The following ELMO3 variants were observed in gnomAD, a reference collection of about 807,000 sequenced individuals.
The protein encoded by ELMO3 is engulfment and cell motility 3.
A neutral mutation model predicts 89.0 loss-of-function variants in ELMO3; 81 were observed. The ratio of observed to expected loss-of-function variants is 0.91; its 90% CI spans 0.76 to 1.09. The LOEUF is 1.09. Ranked by LOEUF, ELMO3 falls within the 50% of genes least tolerant of loss-of-function variation. The pLI is 0.00. For missense variants in ELMO3, 959 were observed against 972.8 expected (o/e 0.99, Z 0.19); for synonymous variants, 406 against 400.6 (o/e 1.01, Z -0.16).
intron 2 of ELMO3, 24 bp from the exon 3 acceptor site, chr16:67,199,660 C>A: frequency 1.2e-6 from 2 of 1,608,526 alleles, no homozygotes; most frequent in Non-Finnish European, 1.7e-6. Flanking sequence ...CCCTGCCGGC[C>A]TCGCTGAGCC....
rs2033132868 is a variant in ELMO3 at position 67,202,256 on chromosome 16, G to A, written c.1233G>A (p.Leu411=). The change falls in exon 13 of 20, where the codon CTG becomes CTA. Residue 411 remains leucine (L), a synonymous_variant. Transcript: ENST00000393997. Reference sequence around the variant, plus strand: ...GCAGCATCCAGCTGACGGTGCTGCTGTGTGAGCTGCTCCGTGTTGGGGAGC... The same window carrying A: ...GCAGCATCCAGCTGACGGTGCTGCTATGTGAGCTGCTCCGTGTTGGGGAGC... The part of the protein sequence containing the change: ...ARGSIQLTVL[L]CELLRVGEPC... 6.2e-7 allele frequency: 1 copy of A among 1,606,958 alleles called. No homozygotes were observed. Among genetic ancestry groups the A allele is most frequent in the Non-Finnish European group, 8.5e-7 (1 of 1,175,030 alleles).
intron 3 of ELMO3, 95 bp from the exon 4 acceptor site, chr16:67,199,856 C>A: frequency 2.5e-6 from 4 of 1,605,788 alleles, no homozygotes; most frequent in Non-Finnish European, 3.4e-6. Context: ...GGAGCGCGAT[C>A]TGTTATTCAC....
At position 67,199,379 on chromosome 16, in the gene ELMO3, T is replaced by TC. The variant is rs2033041425; in HGVS notation, c.56dup (p.Gln20AlafsTer28). 1 of 1,607,872 alleles carries TC rather than the reference T, an allele frequency of 6.2e-7. No individual in the cohort carries two copies. Among genetic ancestry groups the TC allele is most frequent in the Admixed American group, 1.7e-5 (1 of 59,982 alleles). The stretch of plus-strand genomic sequence containing the variant: ...ATTGCCATCAAGATGCGTGACGCCA[T>TC]CCCGCAGCTCATCCAGCTGGACCAG... On this transcript the variant is annotated frameshift_variant, in exon 1 of 20. Transcript: ENST00000393997. LOFTEE classifies it high-confidence loss of function.
chr16:67,199,381 C>T lies in ELMO3; in HGVS notation c.55C>T (p.Pro19Ser). ...KIAIKMRDAIPQLIQLDQAKP... is the reference protein window; with the variant it reads ...KIAIKMRDAISQLIQLDQAKP... ...TGCCATCAAGATGCGTGACGCCATCCCGCAGCTCATCCAGCTGGACCAGGT... is the reference window on the plus strand; with the variant it reads ...TGCCATCAAGATGCGTGACGCCATCTCGCAGCTCATCCAGCTGGACCAGGT... Residue 19 changes from proline (P) to serine (S), a missense_variant, in exon 1 of 20, where the codon CCG becomes TCG. Coordinates refer to ENST00000393997, the MANE Select transcript of ELMO3 (RefSeq NM_024712.5). 5.0e-6 allele frequency: 8 copies of T among 1,607,986 alleles called. No individual in the cohort carries two copies. Among genetic ancestry groups the T allele is most frequent in the Non-Finnish European group, 6.8e-6 (8 of 1,179,054 alleles).
At chr16:67,201,034 A>C in intron 8 of ELMO3, 66 bp downstream of exon 8, 1 of 1,505,656 alleles carries the variant, frequency 6.6e-7, no homozygotes, top group Non-Finnish European at 8.9e-7. Flanking sequence ...CTGAAGCAAA[A>C]TCCTCTAAGC....
At position 67,200,185 on chromosome 16, in the gene ELMO3, C is replaced by A. The variant is rs760091521; in HGVS notation, c.244-7C>A. On this transcript the variant is annotated splice_region_variant and splice_polypyrimidine_tract_variant and intron_variant, in intron 4 of 19. Coordinates refer to ENST00000393997, the MANE Select transcript of ELMO3 (RefSeq NM_024712.5). ...CTTCACCTCTGCTCCTGCTCCGTTC[C>A]TGCCAGGACCTTGAGGCTGAGCAGC... 4 of 1,609,654 alleles carry A rather than the reference C, an allele frequency of 2.5e-6. No individual in the cohort carries two copies. The Admixed American group carries it at 6.7e-5, about 27-fold the overall frequency.
chr16:67,199,476 G>GGGCCCCCCCCCCCCCCC, intron 1 of ELMO3, 72 bp downstream of exon 1: 1 of 1,503,590 alleles, frequency 6.7e-7, no homozygotes, highest in Non-Finnish European at 9.0e-7. Flanking sequence ...CCTCGGGGCA[G>GGGCCCCCCCCCCCCCCC]CCCGCCCCAC....
Position 67,201,597 on chromosome 16 carries a change from G to A in ELMO3, c.873G>A (p.Gly291=). 6.2e-7 allele frequency: 1 copy of A among 1,613,810 alleles called. No homozygotes were observed. The highest frequency in any genetic ancestry group is 8.5e-7 in the Non-Finnish European group (1 of 1,180,030). ...HLYVLQALML[G]LLEPRMRTPL... ...ACGTACTGCAGGCTCTCATGCTGGG[G>A]CTGCTGGAGCCGCGCATGCGGACGC... The change falls in exon 10 of 20, where the codon GGG becomes GGA. Residue 291 remains glycine (G), a synonymous_variant. Transcript: ENST00000393997.
chr16:67,199,462 T>C (rs2033043930), intron 1 of ELMO3, 58 bp downstream of exon 1: 3 of 1,548,592 alleles, frequency 1.9e-6, no homozygotes, highest in Non-Finnish European at 8.8e-7. Flanking sequence ...GGTAGCCCCC[T>C]GGCCCTCGGG....
Position 67,199,159 on chromosome 16 carries a change from CCGCGTTG to C in ELMO3, c.-166_-160del, listed in dbSNP as rs1417025070. 2 of 1,607,150 alleles carry C rather than the reference CCGCGTTG, an allele frequency of 1.2e-6. No homozygotes were observed. The highest frequency in any genetic ancestry group is 3.3e-5 in the Admixed American group (2 of 59,944). On this transcript the variant is annotated 5_prime_UTR_variant, in exon 1 of 20. Coordinates refer to ENST00000393997, the MANE Select transcript of ELMO3 (RefSeq NM_024712.5). ...ACTAACCTCGGCTCCCTTGGGAAGGCCGCGTTGCATGGCCAGGAGCAGCAGTCTGGGC... is the reference window on the plus strand; with the variant it reads ...ACTAACCTCGGCTCCCTTGGGAAGGCCATGGCCAGGAGCAGCAGTCTGGGC...
Position 67,203,529 on chromosome 16 carries a change from T to C in ELMO3, c.1896T>C (p.Tyr632=), listed in dbSNP as rs2033177061. 2 of 1,612,898 alleles carry C rather than the reference T, an allele frequency of 1.2e-6. No homozygotes were observed. Among genetic ancestry groups the C allele is most frequent in the African/African-American group, 2.7e-5 (2 of 74,814 alleles). Residue 632 remains tyrosine, a synonymous_variant, in exon 19 of 20, where the codon TAT becomes TAC. Coordinates refer to ENST00000393997, the MANE Select transcript of ELMO3 (RefSeq NM_024712.5). The surrounding 1 kb of genome is among the most constrained non-coding windows in gnomAD (Gnocchi z 4.6). The part of the protein sequence containing the change: ...DLYELAFSIS[Y]DRGEEEAYLN... ...ATGAGTTGGCCTTCTCAATCAGCTA[T>C]GACCGTGGGGAGGAGGAAGCGTACC...
chr16:67,199,365 G>T lies in ELMO3; in HGVS notation c.39G>T (p.Lys13Asn). The change falls in exon 1 of 20, where the codon AAG becomes AAT. Residue 13 changes from lysine (K) to asparagine (N), a missense_variant. Physicochemically the swap from Lys to Asn is moderately conservative, Grantham distance 94. Transcript: ENST00000393997. The stretch of plus-strand genomic sequence containing the variant: ...GGAACGTGGTGAAGATTGCCATCAA[G>T]ATGCGTGACGCCATCCCGCAGCTCA... ...PPRNVVKIAI[K>N]MRDAIPQLIQ... The T allele has an allele frequency of 6.2e-7, 1 of 1,609,272 alleles. No homozygotes were observed. Among genetic ancestry groups the T allele is most frequent in the Non-Finnish European group, 8.5e-7 (1 of 1,179,182 alleles).
intron 1 of ELMO3, 72 bp downstream of exon 1, chr16:67,199,476 G>GCCCCC: frequency 2.0e-6 from 3 of 1,503,564 alleles, no homozygotes; most frequent in Non-Finnish European, 2.7e-6. Flanking sequence ...CCTCGGGGCA[G>GCCCCC]CCCGCCCCAC....
In ELMO3 at chr16:67,203,087, G is replaced by A; in HGVS notation, c.1676-32G>A. ...GCTGGCTTGGTGTCAGGACCTCTCA[G>A]CACTCTGGCCCTCTTCCCTTTCTCC... On this transcript the variant is annotated intron_variant, in intron 16 of 19. Coordinates refer to ENST00000393997, the MANE Select transcript of ELMO3 (RefSeq NM_024712.5). The surrounding 1 kb of genome is among the most constrained non-coding windows in gnomAD (Gnocchi z 4.6). 6.3e-7 allele frequency: 1 copy of A among 1,594,850 alleles called. No homozygotes were observed.
intron 4 of ELMO3, 81 bp downstream of exon 4, chr16:67,200,082 C>G (rs972442213): frequency 1.3e-6 from 2 of 1,569,122 alleles, no homozygotes; most frequent in African/African-American, 2.7e-5. Context: ...GAGGCCCCCG[C>G]CCCAGCCCTG....
rs2033118337 is a variant in ELMO3 at position 67,201,816 on chromosome 16, A to G, written c.993A>G (p.Leu331=). ...EVEGESSGAG[L]SADRRRSLCA... is the part of the protein sequence containing the mutation. ...AGGGGGAGTCCTCGGGTGCCGGGCT[A>G]AGTGCTGACCGTCGCCGTTCCCTCT... Residue 331 remains leucine, a synonymous_variant, in exon 11 of 20, where the codon CTA becomes CTG. Transcript: ENST00000393997. The G allele has an allele frequency of 1.2e-6, 2 of 1,611,960 alleles. No homozygotes were observed. The highest frequency in any genetic ancestry group is 1.7e-6 in the Non-Finnish European group (2 of 1,179,946).
intron 1 of ELMO3, 42 bp from the exon 2 acceptor site, chr16:67,199,511 C>T: frequency 7.1e-7 from 1 of 1,417,728 alleles, no homozygotes; most frequent in Non-Finnish European, 9.7e-7. Context: ...TCCTCCCCAT[C>T]CCTCCCTGCC....
rs761733949 is a variant in ELMO3, at chr16:67,199,263, G to T, written c.-64G>T. ...CTCGTCCCCAGGGGCCCCAGGCCAG[G>T]TGCACCCTTGGCCGCAGGTGCACGG... On this transcript the variant is annotated 5_prime_UTR_variant, in exon 1 of 20. Transcript: ENST00000393997. 2.5e-6 allele frequency: 4 copies of T among 1,611,884 alleles called. No homozygotes were observed. The East Asian group carries it at 6.7e-5, about 27-fold the overall frequency.
chr16:67,200,245 G>A lies in ELMO3; in HGVS notation c.297G>A (p.Gly99=), dbSNP rs2033067505. Residue 99 remains glycine, a synonymous_variant, in exon 5 of 20, where the codon GGG becomes GGA. Coordinates refer to ENST00000393997, the MANE Select transcript of ELMO3 (RefSeq NM_024712.5). Reference sequence around the variant, plus strand: ...GGCTGCAGAGTAACAGTCCTGAAGGGCGCCGGGAAGCCCTGAGGCGCCTTG... The same window carrying A: ...GGCTGCAGAGTAACAGTCCTGAAGGACGCCGGGAAGCCCTGAGGCGCCTTG... ...LGGLQSNSPE[G]RREALRRLVP... 1 of 1,613,746 alleles carries A rather than the reference G, an allele frequency of 6.2e-7. No individual in the cohort carries two copies. Among genetic ancestry groups the A allele is most frequent in the South Asian group, 1.1e-5 (1 of 91,090 alleles).
Sources: allele counts gnomAD v4.1 joint callset, GRCh38; gene constraint gnomAD v4.1.1; non-coding constraint Gnocchi (gnomAD v3.1); transcripts MANE v1.5; gene names NCBI Gene and HGNC (gene_info 2026-07-23, HGNC 2026-07-21).